Variants in STAMBP observed in about 807,000 individuals in gnomAD.
The protein encoded by STAMBP is STAM binding protein.
Under a neutral mutation model 50.7 loss-of-function variants are expected in STAMBP, and 31 were observed. The observed-to-expected ratio is 0.61, with a 90% CI of 0.46 to 0.83. The LOEUF (loss-of-function observed/expected upper bound fraction) is 0.83. Among genes scored for constraint, STAMBP ranks in the 40% least tolerant of loss-of-function variants. The pLI is 0.00. For missense variants in STAMBP, 472 were observed against 518.9 expected (o/e 0.91, Z 0.88); for synonymous variants, 211 against 192.4 (o/e 1.10, Z -0.80).
Position 73,862,447 on chromosome 2 carries a change from CAGAA to C in STAMBP, c.*192_*195del, listed in dbSNP as rs1365259138. 2.4e-6 allele frequency: 1 copy of C among 425,104 alleles called. No individual in the cohort carries two copies. The highest frequency in any genetic ancestry group is 4.2e-6 in the Non-Finnish European group (1 of 239,322). The allele number at this position is 425,104 out of a possible 1,614,324, so 26.3% of individuals were successfully genotyped here. A position where few individuals can be genotyped will look rare whatever the true frequency, so the allele number is the denominator to read the frequency against. On this transcript the variant is annotated 3_prime_UTR_variant, in exon 10 of 10. Transcript: ENST00000394070. ...AACTGAACATATTTTTTAGGCAAGT[CAGAA>C]AGAGAACATGGTCACCCAAAAGCAA...
chr2:73,864,584 T>C lies in STAMBP; in HGVS notation c.*2325T>C, dbSNP rs1678695246. The C allele has an allele frequency of 6.6e-6, 1 of 152,220 alleles. No homozygotes were observed. The allele number at this position is 152,220 out of a possible 1,614,324, so 9.4% of individuals were successfully genotyped here. On this transcript the variant is annotated 3_prime_UTR_variant, in exon 10 of 10. Coordinates refer to ENST00000394070, the MANE Select transcript of STAMBP (RefSeq NM_213622.4). Reference sequence around the variant, plus strand: ...TCGGGAAAAGAGGAAAGGAATACTGTGGGTAAAAGGGACAAAGACCACGCA... The same window carrying C: ...TCGGGAAAAGAGGAAAGGAATACTGCGGGTAAAAGGGACAAAGACCACGCA...
In STAMBP at chr2:73,831,063, A is replaced by G; in HGVS notation, c.203+4A>G. 1 of 1,612,998 alleles carries G rather than the reference A, an allele frequency of 6.2e-7. No homozygotes were observed. The highest frequency in any genetic ancestry group is 1.3e-5 in the African/African-American group (1 of 75,022). The stretch of plus-strand genomic sequence containing the variant: ...TCCTCTATAACAAGTATATCACGTA[A>G]GACACCTACAGTTTCCTTTTTCCTT... On this transcript the variant is annotated splice_donor_region_variant and intron_variant, in intron 2 of 9. Coordinates refer to ENST00000394070, the MANE Select transcript of STAMBP (RefSeq NM_213622.4).
chr2:73,834,645 G>C (rs974412987), intron 2 of STAMBP, among the ~76,000 whole-genome samples: 3 of 151,992 alleles, frequency 2.0e-5, no homozygotes, highest in Non-Finnish European at 4.4e-5. Flanking sequence ...TTGTCCAAAA[G>C]TCAGCTGTAG....
rs1678556905 is a variant in STAMBP at position 73,863,322 on chromosome 2, G to A, written c.*1063G>A. On this transcript the variant is annotated 3_prime_UTR_variant, in exon 10 of 10. Coordinates refer to ENST00000394070, the MANE Select transcript of STAMBP (RefSeq NM_213622.4). ...CAATTGTTACTGCAATTTTCTGTGAGCTGAGCCTGGTGTTCTAGGTGGCCT... is the reference window on the plus strand; with the variant it reads ...CAATTGTTACTGCAATTTTCTGTGAACTGAGCCTGGTGTTCTAGGTGGCCT... The A allele has an allele frequency of 6.6e-6, 1 of 152,186 alleles. No individual in the cohort carries two copies. The highest frequency in any genetic ancestry group is 1.5e-5 in the Non-Finnish European group (1 of 68,042). 9.4% of individuals were successfully genotyped at this position (152,186 alleles called of 1,614,324 possible).
chr2:73,871,547 CAAAAAA>C (rs547524111), downstream of STAMBP, among the ~76,000 whole-genome samples: 3 of 89,076 alleles, frequency 3.4e-5, no homozygotes, highest in African/African-American at 1.2e-4. Context: ...GACTCCGTCT[CAAAAAA>C]AAAAAAAAAA....
chr2:73,835,540 G>A (rs1221250573), intron 2 of STAMBP, among the ~76,000 whole-genome samples: 1 of 152,122 alleles, frequency 6.6e-6, no homozygotes, highest in Non-Finnish European at 1.5e-5. Flanking sequence ...CAAGCGTTAA[G>A]AGAAGGCAGG....
intron 8 of STAMBP, among the ~76,000 whole-genome samples, 199 bp downstream of exon 8, chr2:73,859,565 T>G (rs969396102): frequency 6.6e-6 from 1 of 152,164 alleles, no homozygotes; most frequent in African/African-American, 2.4e-5. Context: ...GATATCCAAG[T>G]AACAACTTAG....
intron 4 of STAMBP, 67 bp downstream of exon 4, chr2:73,845,329 T>C (rs1675930377): frequency 9.0e-7 from 1 of 1,114,136 alleles, no homozygotes; most frequent in South Asian, 1.3e-5. Flanking sequence ...GATTGTAATA[T>C]GACATTTCAA....
intron 2 of STAMBP, among the ~76,000 whole-genome samples, chr2:73,843,685 G>T (rs1463894400): frequency 6.6e-6 from 1 of 152,138 alleles, no homozygotes; most frequent in East Asian, 1.9e-4. Context: ...AAACTTGTGT[G>T]CCTAATATAG....
chr2:73,853,107 T>TG (rs1183669698), intron 7 of STAMBP, among the ~76,000 whole-genome samples: 3 of 152,182 alleles, frequency 2.0e-5, no homozygotes, highest in Non-Finnish European at 2.9e-5. Flanking sequence ...TCACATCCTA[T>TG]GGAGAGCTCC....
chr2:73,861,004 G>A (rs147118747), intron 9 of STAMBP, among the ~76,000 whole-genome samples: 503 of 152,332 alleles, frequency 3.3e-3, no homozygotes, highest in African/African-American at 7.2e-3. Flanking sequence ...TCTGCTGAGC[G>A]TGAGGAAGAA....
intron 2 of STAMBP, among the ~76,000 whole-genome samples, chr2:73,835,541 A>G (rs995382259): frequency 1.3e-5 from 2 of 152,118 alleles, no homozygotes; most frequent in Non-Finnish European, 2.9e-5. Flanking sequence ...AAGCGTTAAG[A>G]GAAGGCAGGG....
chr2:73,868,435 G>T (rs965433291), downstream of STAMBP, among the ~76,000 whole-genome samples: 5 of 151,920 alleles, frequency 3.3e-5, no homozygotes, highest in Admixed American at 2.0e-4. Flanking sequence ...TTTGTCCCTA[G>T]AATGTAATGG....
chr2:73,859,957 G>C (rs190148290), intron 8 of STAMBP, 95 bp from the exon 9 acceptor site: 5 of 829,006 alleles, frequency 6.0e-6, no homozygotes, highest in Admixed American at 5.9e-5. Flanking sequence ...CTGCCCTGCT[G>C]TGTGAGTGTG....
At chr2:73,862,138 A>G in intron 9 of STAMBP, 65 bp from the exon 10 acceptor site, 1 of 1,378,354 alleles carries the variant, frequency 7.3e-7, no homozygotes, top group Non-Finnish European at 9.9e-7. Flanking sequence ...CCCTATATGA[A>G]GAAAAAAAAA....
downstream of STAMBP, among the ~76,000 whole-genome samples, chr2:73,869,125 C>T (rs986833463): frequency 6.6e-6 from 1 of 152,138 alleles, no homozygotes; most frequent in African/African-American, 2.4e-5. Flanking sequence ...ACCTAGAAAT[C>T]TGAAGATAAT....
In STAMBP at chr2:73,865,000, G is replaced by T. The variant is rs778608196; in HGVS notation, c.*2741G>T. 2 of 152,202 alleles carry T rather than the reference G, an allele frequency of 1.3e-5. No homozygotes were observed. The highest frequency in any genetic ancestry group is 2.9e-5 in the Non-Finnish European group (2 of 68,048). 9.4% of individuals were successfully genotyped at this position (152,202 alleles called of 1,614,324 possible). ...TCTTGGGTACCAGATACCATAAAAG[G>T]CAGCATGAGAGAAACATTCCCTTGG... On this transcript the variant is annotated 3_prime_UTR_variant, in exon 10 of 10. Coordinates refer to ENST00000394070, the MANE Select transcript of STAMBP (RefSeq NM_213622.4).
chr2:73,859,121 TA>T, intron 7 of STAMBP, 132 bp from the exon 8 acceptor site: 1 of 652,460 alleles, frequency 1.5e-6, no homozygotes, highest in South Asian at 2.0e-5. Context: ...TTTCTCAAAG[TA>T]TGTTATCGTA....
At chr2:73,858,247 G>A (rs1677838966) in intron 7 of STAMBP, among the ~76,000 whole-genome samples, 2 of 136,798 alleles carry the variant, frequency 1.5e-5, no homozygotes, top group Non-Finnish European at 1.5e-5. Context: ...CTCATGATCT[G>A]CCTGCCTCAG....
Sources: allele counts gnomAD v4.1 joint callset (sites outside exome capture counted in the v4.1 genomes callset), GRCh38; gene constraint gnomAD v4.1.1; transcripts MANE v1.5; gene names NCBI Gene and HGNC (gene_info 2026-07-23, HGNC 2026-07-21).